The following PPP2R1B variants were observed in gnomAD, a reference collection of about 807,000 sequenced individuals.
PPP2R1B encodes the protein serine/threonine-protein phosphatase 2A 65 kDa regulatory subunit A beta isoform.
In PPP2R1B, 58 loss-of-function variants were observed where a neutral mutation model predicts 72.7. The ratio of observed to expected loss-of-function variants is 0.80; its 90% CI spans 0.65 to 0.99. The LOEUF is 0.99. Ranked by LOEUF, PPP2R1B falls within the 50% of genes least tolerant of loss-of-function variation. The pLI is 0.00. For synonymous variants in PPP2R1B, 256 were observed against 264.6 expected, an observed-to-expected ratio of 0.97 and a Z score of 0.32; for missense variants, 695 against 733.6, an observed-to-expected ratio of 0.95 and a Z score of 0.61.
the PPP2R1B span, among the ~76,000 whole-genome samples, chr11:111,714,871 T>C: frequency 1.3e-5 from 2 of 152,148 alleles, no homozygotes; most frequent in African/African-American, 4.8e-5. Context: ...ACAGTCCCAC[T>C]CAGAAAGTTA....
intron 12 of PPP2R1B, among the ~76,000 whole-genome samples, 173 bp from the exon 13 acceptor site, chr11:111,742,838 A>C (rs1398215393): frequency 6.6e-6 from 1 of 152,024 alleles, no homozygotes; most frequent in Non-Finnish European, 1.5e-5. Context: ...TTAGACCAGA[A>C]TTCACAAATA....
chr11:111,733,685 C>T (rs1236780804), downstream of PPP2R1B, among the ~76,000 whole-genome samples: 3 of 152,222 alleles, frequency 2.0e-5, no homozygotes, highest in Admixed American at 6.5e-5. Flanking sequence ...GCACGCCACA[C>T]ATAGCTCCCG....
chr11:111,697,326 T>G, the PPP2R1B span, among the ~76,000 whole-genome samples: 7 of 152,218 alleles, frequency 4.6e-5, no homozygotes, highest in African/African-American at 1.7e-4. Flanking sequence ...TAGCAGATCT[T>G]TATCGAGCAG....
intron 9 of PPP2R1B, among the ~76,000 whole-genome samples, chr11:111,753,057 A>C (rs1944970360): frequency 6.6e-6 from 1 of 152,254 alleles, no homozygotes; most frequent in South Asian, 2.1e-4. Flanking sequence ...AAATACATGC[A>C]AAGCACTAAG....
rs371647853 is a variant in PPP2R1B at position 111,728,848 on chromosome 11, C to G, written c.1912-1791G>C. 2.7e-5 allele frequency: 4 copies of G among 150,102 alleles called. No homozygotes were observed. In the East Asian group the frequency reaches 5.9e-4, roughly 22 times the overall value. 9.3% of individuals were successfully genotyped at this position (150,102 alleles called of 1,614,324 possible). A position where few individuals can be genotyped will look rare whatever the true frequency, so the allele number is the denominator to read the frequency against. ...CTGAGGCAGGAGAATGGCGTGAACC[C>G]GGGAGGTGGAGCTTGCAGTGAGCCA... On this transcript the variant is annotated intron_variant, in intron 15 of 15. Coordinates refer to the PPP2R1B transcript ENST00000311129.
In PPP2R1B at chr11:111,766,340, C is replaced by T. The variant is rs142771326; in HGVS notation, c.22G>A (p.Gly8Arg). The change falls in exon 1 of 15, where the codon GGG becomes AGG. Residue 8 changes from glycine (G) to arginine (R), a missense_variant. Coordinates refer to ENST00000527614, the MANE Select transcript of PPP2R1B (RefSeq NM_002716.5). ...CCACCCGCTGCTCCTGGGCCGGTCC[C>T]GAGCTCTGATGCGCCCGCCATGTTC... MAGASEL[G>R]TGPGAAGGDG... The T allele has an allele frequency of 1.3e-6, 2 of 1,557,294 alleles. No homozygotes were observed. The highest frequency in any genetic ancestry group is 1.7e-6 in the Non-Finnish European group (2 of 1,153,338).
At chr11:111,701,667 T>C in the PPP2R1B span, 2 of 1,486,548 alleles carry the variant, frequency 1.3e-6, no homozygotes, top group Admixed American at 4.0e-5. This position sits in a 1 kb window ranked among gnomAD's most constrained non-coding sequence, Gnocchi z 4.2. Context: ...TCTAAGAGTT[T>C]GGGTGCCAAA....
chr11:111,722,034 G>T, downstream of PPP2R1B: 1 of 950,174 alleles, frequency 1.1e-6, no homozygotes, highest in South Asian at 2.0e-5. The surrounding 1 kb of genome is among the most constrained non-coding windows in gnomAD (Gnocchi z 4.4). Context: ...CATTTATTTA[G>T]GGTAGCTGCT....
chr11:111,735,763 C>T (rs1486599870), downstream of PPP2R1B, among the ~76,000 whole-genome samples: 1 of 152,194 alleles, frequency 6.6e-6, no homozygotes, highest in Non-Finnish European at 1.5e-5. Context: ...TCAACAGCAG[C>T]GCGCTCACGC....
Position 111,754,484 on chromosome 11 carries a change from T to C in PPP2R1B, c.1029+15A>G. On this transcript the variant is annotated intron_variant, in intron 8 of 14. Coordinates refer to ENST00000527614, the MANE Select transcript of PPP2R1B (RefSeq NM_002716.5). Reference sequence around the variant, plus strand: ...TCATATAAAAGAGAGTGAAACAAAATAAAGTCAGGTTTACCTTTATATAAG... The same window carrying C: ...TCATATAAAAGAGAGTGAAACAAAACAAAGTCAGGTTTACCTTTATATAAG... The C allele has an allele frequency of 6.3e-7, 1 of 1,588,800 alleles. No individual in the cohort carries two copies. Among genetic ancestry groups the C allele is most frequent in the Non-Finnish European group, 8.5e-7 (1 of 1,173,754 alleles).
At chr11:111,716,555 C>T in the PPP2R1B span, among the ~76,000 whole-genome samples, 3 of 151,660 alleles carry the variant, frequency 2.0e-5, no homozygotes, top group African/African-American at 4.9e-5. Flanking sequence ...CCAGCCTGGG[C>T]GACAGAGTGA....
At chr11:111,743,076 T>C (rs569079665) in intron 12 of PPP2R1B, among the ~76,000 whole-genome samples, 1 of 151,930 alleles carries the variant, frequency 6.6e-6, no homozygotes, top group Non-Finnish European at 1.5e-5. Flanking sequence ...GTATTTTTAG[T>C]AGAGACAAGG....
At chr11:111,703,919 G>A in the PPP2R1B span, among the ~76,000 whole-genome samples, 1 of 152,144 alleles carries the variant, frequency 6.6e-6, no homozygotes, top group African/African-American at 2.4e-5. Flanking sequence ...ACTGTGAAGG[G>A]TCATGAACCT....
In PPP2R1B at chr11:111,755,084, G is replaced by A; in HGVS notation, c.854C>T (p.Ala285Val). Residue 285 changes from alanine (A) to valine (V), a missense_variant, in exon 7 of 15, where the codon GCC becomes GTC. By Grantham distance (64) the Ala-to-Val change is moderately conservative. Transcript: ENST00000527614. ...VADRFSELQK[A>V]MGPKITLNDL... is the part of the protein sequence containing the mutation. Reference sequence around the variant, plus strand: ...ATTTAGGGTGATTTTAGGACCCATGGCTTTCTGGAGCTATAAAAGAATTTG... The same window carrying A: ...ATTTAGGGTGATTTTAGGACCCATGACTTTCTGGAGCTATAAAAGAATTTG... 6 of 1,607,832 alleles carry A rather than the reference G, an allele frequency of 3.7e-6. 1 individual carries two copies. The Middle Eastern group carries it at 5.0e-4, about 133-fold the overall frequency.
chr11:111,758,329 C>T (rs1425492893), intron 5 of PPP2R1B, among the ~76,000 whole-genome samples: 5 of 152,172 alleles, frequency 3.3e-5, no homozygotes, highest in Admixed American at 6.5e-5. Flanking sequence ...CGGTGGCTCA[C>T]GCCTGTAATC....
At chr11:111,765,180 C>T in intron 2 of PPP2R1B, 114 bp downstream of exon 2, 1 of 1,165,536 alleles carries the variant, frequency 8.6e-7, no homozygotes, top group Non-Finnish European at 1.2e-6. Context: ...GTTTCTTTTG[C>T]ACAAAAAACA....
chr11:111,701,084 G>A, the PPP2R1B span: 1 of 1,549,188 alleles, frequency 6.5e-7, no homozygotes, highest in East Asian at 2.3e-5. The surrounding 1 kb of genome is among the most constrained non-coding windows in gnomAD (Gnocchi z 4.2). Context: ...CATCTTAGAA[G>A]CTCCTGGTAC....
chr11:111,746,951 CAT>C (rs2136060197), intron 11 of PPP2R1B, among the ~76,000 whole-genome samples: 1 of 152,260 alleles, frequency 6.6e-6, no homozygotes, highest in East Asian at 1.9e-4. Context: ...TATGATCCTC[CAT>C]ATGATGCAAA....
rs1200100438 is a variant in PPP2R1B, at chr11:111,740,781, T to TA, written c.*814dup. On this transcript the variant is annotated 3_prime_UTR_variant, in exon 15 of 15. Transcript: ENST00000527614. ...TGCACAGTATTATCCCTGTGGTTCT[T>TA]AGACTCATTCGAAATACAGAACTGC... The TA allele has an allele frequency of 2.0e-6, 2 of 985,338 alleles. No individual in the cohort carries two copies. Among genetic ancestry groups the TA allele is most frequent in the Non-Finnish European group, 2.4e-6 (2 of 829,930 alleles). The allele number at this position is 985,338 out of a possible 1,614,324, so 61.0% of individuals were successfully genotyped here. A position where few individuals can be genotyped will look rare whatever the true frequency, so the allele number is the denominator to read the frequency against.
Sources: allele counts gnomAD v4.1 joint callset (sites outside exome capture counted in the v4.1 genomes callset), GRCh38; gene constraint gnomAD v4.1.1; non-coding constraint Gnocchi (gnomAD v3.1); transcripts MANE v1.5; gene names NCBI Gene and HGNC (gene_info 2026-07-23, HGNC 2026-07-21).